TIGAR: variants seen among roughly 807,000 people sequenced by gnomAD.
The protein encoded by TIGAR is fructose-2,6-bisphosphatase TIGAR.
Under a neutral mutation model 17.9 loss-of-function variants are expected in TIGAR, and 7 were observed. That is an observed-to-expected ratio of 0.39 (90% CI 0.22 to 0.73). The LOEUF (loss-of-function observed/expected upper bound fraction) is 0.73, where lower values mean the gene tolerates loss of function less well. Ranked by LOEUF, TIGAR falls within the 30% of genes least tolerant of loss-of-function variation. TIGAR has a pLI of 0.42. For missense variants in TIGAR, 258 were observed against 327.4 expected (o/e 0.79, Z 1.64); for synonymous variants, 94 against 108.6 (o/e 0.87, Z 0.84).
At position 4,358,929 on chromosome 12, in the gene TIGAR, T is replaced by G. The variant is rs772535306; in HGVS notation, c.*6238T>G. Among the ~76,000 whole-genome samples, 2 of 151,938 alleles carry G rather than the reference T, an allele frequency of 1.3e-5. No homozygotes were observed. The highest frequency in any genetic ancestry group is 6.6e-5 in the Admixed American group (1 of 15,254). On this transcript the variant is annotated 3_prime_UTR_variant, in exon 6 of 6. Transcript: ENST00000179259. Reference sequence around the variant, plus strand: ...TTAAAAAATAGGTGAGTTCTTGTGGTTTTTTTTCCTGACATATCCTCATTA... The same window carrying G: ...TTAAAAAATAGGTGAGTTCTTGTGGGTTTTTTTCCTGACATATCCTCATTA...
chr12:4,352,757 C>G lies in TIGAR; in HGVS notation c.*66C>G. On this transcript the variant is annotated 3_prime_UTR_variant, in exon 6 of 6. Transcript: ENST00000179259. Reference sequence around the variant, plus strand: ...AAGGGAGTGCCATTGGCTTTATTTACTTCTCTCCTCTGCTAGTTCTGATTT... The same window carrying G: ...AAGGGAGTGCCATTGGCTTTATTTAGTTCTCTCCTCTGCTAGTTCTGATTT... 2 of 1,453,480 alleles carry G rather than the reference C, an allele frequency of 1.4e-6. No individual in the cohort carries two copies. Among genetic ancestry groups the G allele is most frequent in the Non-Finnish European group, 1.8e-6 (2 of 1,083,352 alleles). The allele number at this position is 1,453,480 out of a possible 1,614,324, so 90.0% of individuals were successfully genotyped here. A position where few individuals can be genotyped will look rare whatever the true frequency, so the allele number is the denominator to read the frequency against.
chr12:4,332,329 G>A (rs777174260), intron 2 of TIGAR, among the ~76,000 whole-genome samples: 3 of 129,966 alleles, frequency 2.3e-5, no homozygotes, highest in Non-Finnish European at 4.6e-5. Context: ...TGCAACCTCC[G>A]CCTCCCAGGT....
chr12:4,321,292 T>A lies in TIGAR; in HGVS notation c.21T>A (p.Thr7=). Residue 7 remains threonine, a synonymous_variant, in exon 1 of 6, where the codon ACT becomes ACA. Coordinates refer to ENST00000179259, the MANE Select transcript of TIGAR (RefSeq NM_020375.3). This position sits in a 1 kb window ranked among gnomAD's most constrained non-coding sequence, Gnocchi z 5.2. ...GGAACATGGCTCGCTTCGCTCTGAC[T>A]GTTGTCCGGCAGTGAGTATGGCTGT... MARFAL[T]VVRHGETRFN... The A allele has an allele frequency of 1.2e-6, 2 of 1,601,392 alleles. No individual in the cohort carries two copies. The highest frequency in any genetic ancestry group is 2.2e-5 in the South Asian group (2 of 91,080).
Position 4,347,325 on chromosome 12 carries a change from T to TA in TIGAR, c.193-2493dup, listed in dbSNP as rs139552760. On this transcript the variant is annotated intron_variant, in intron 3 of 5. Coordinates refer to ENST00000179259, the MANE Select transcript of TIGAR (RefSeq NM_020375.3). ...AAGACAAACTTGTCATGTTCTCACTTATTTGTTGGAGCAAAAAATTAAAAC... is the reference window on the plus strand; with the variant it reads ...AAGACAAACTTGTCATGTTCTCACTTAATTTGTTGGAGCAAAAAATTAAAAC... 1.8e-3 allele frequency among the ~76,000 whole-genome samples: 270 copies of TA among 152,304 alleles called. 1 individual carries two copies. The highest frequency in any genetic ancestry group is 6.1e-3 in the African/African-American group (253 of 41,560).
rs1485953325 is a variant in TIGAR at position 4,356,145 on chromosome 12, G to A, written c.*3454G>A. ...TGTAGGGGGTGCTATAGGAGCACAA[G>A]GTTGGAGGCAGGGAAGATGGCAGCA... is the stretch of plus-strand genomic sequence containing the variant. On this transcript the variant is annotated 3_prime_UTR_variant, in exon 6 of 6. Coordinates refer to ENST00000179259, the MANE Select transcript of TIGAR (RefSeq NM_020375.3). Among the ~76,000 whole-genome samples, 1 of 152,192 alleles carries A rather than the reference G, an allele frequency of 6.6e-6. No individual in the cohort carries two copies. Among genetic ancestry groups the A allele is most frequent in the Admixed American group, 6.5e-5 (1 of 15,290 alleles).
At position 4,342,910 on chromosome 12, in the gene TIGAR, CT is replaced by C. The variant is rs1211381768; in HGVS notation, c.192+5751del. 2.0e-5 allele frequency among the ~76,000 whole-genome samples: 3 copies of C among 152,246 alleles called. No homozygotes were observed. In the East Asian group the frequency reaches 5.8e-4, roughly 29 times the overall value. The stretch of plus-strand genomic sequence containing the variant: ...AATATTAACCTTAAATGTAAATGGG[CT>C]AAATGTTCCAATTAAAAGACACAGA... On this transcript the variant is annotated intron_variant, in intron 3 of 5. Transcript: ENST00000179259.
chr12:4,324,541 A>G, intron 1 of TIGAR: 7 of 1,608,920 alleles, frequency 4.4e-6, no homozygotes, highest in Non-Finnish European at 5.9e-6. Context: ...CATGCTGCCC[A>G]CCATCTTGGG....
intron 2 of TIGAR, among the ~76,000 whole-genome samples, chr12:4,335,317 G>T (rs1191395795): frequency 6.6e-6 from 1 of 151,800 alleles, no homozygotes; most frequent in Non-Finnish European, 1.5e-5. Flanking sequence ...GATTGCAGGC[G>T]TGAGCCACCA....
intron 3 of TIGAR, among the ~76,000 whole-genome samples, chr12:4,340,187 A>G (rs1864704470): frequency 3.3e-5 from 5 of 152,252 alleles, no homozygotes; most frequent in Non-Finnish European, 5.9e-5. Flanking sequence ...CCAAAAAACA[A>G]TTAGAACTGA....
chr12:4,351,482 C>T, intron 5 of TIGAR, 105 bp downstream of exon 5: 1 of 817,176 alleles, frequency 1.2e-6, no homozygotes. Context: ...ATTCTCTTTT[C>T]CATTTTAAAT....
chr12:4,333,708 C>T (rs1864628774), intron 2 of TIGAR, among the ~76,000 whole-genome samples: 2 of 152,160 alleles, frequency 1.3e-5, no homozygotes, highest in Admixed American at 1.3e-4. Context: ...TGGTGATCCA[C>T]CCACCTCGGC....
At chr12:4,351,403 T>C in intron 5 of TIGAR, 26 bp downstream of exon 5, 2 of 1,591,126 alleles carry the variant, frequency 1.3e-6, no homozygotes, top group Non-Finnish European at 1.7e-6. Flanking sequence ...GATGTCAGAA[T>C]GGTTGAATTA....
chr12:4,329,682 T>C (rs549505475), intron 1 of TIGAR, among the ~76,000 whole-genome samples: 1 of 152,250 alleles, frequency 6.6e-6, no homozygotes, highest in East Asian at 1.9e-4. Flanking sequence ...TTCCCAGTAA[T>C]TGGGTTATTG....
At chr12:4,348,295 T>C (rs1029403353) in intron 3 of TIGAR, among the ~76,000 whole-genome samples, 2 of 152,150 alleles carry the variant, frequency 1.3e-5, no homozygotes, top group African/African-American at 4.8e-5. Flanking sequence ...TTTTACAGAA[T>C]TTACAGAATT....
At position 4,348,123 on chromosome 12, in the gene TIGAR, G is replaced by A. The variant is rs533584939; in HGVS notation, c.193-1696G>A. On this transcript the variant is annotated intron_variant, in intron 3 of 5. Transcript: ENST00000179259. ...TTCACTCCAGCCTGGGTGACAGAGC[G>A]AGACCCTGTCTCAAAAAAAAAAGTC... Among the ~76,000 whole-genome samples the A allele has an allele frequency of 1.2e-4, 18 of 151,908 alleles. No homozygotes were observed. The Middle Eastern group carries it at 0.01, about 86-fold the overall frequency.
chr12:4,327,679 A>G (rs893342585), intron 1 of TIGAR, among the ~76,000 whole-genome samples: 2 of 152,182 alleles, frequency 1.3e-5, no homozygotes, highest in African/African-American at 4.8e-5. Flanking sequence ...TAAGGGCTAC[A>G]AGCCACTGTC....
At chr12:4,332,250 T>G (rs1287311791) in intron 2 of TIGAR, among the ~76,000 whole-genome samples, 1 of 145,214 alleles carries the variant, frequency 6.9e-6, no homozygotes, top group Non-Finnish European at 1.5e-5. Context: ...TTTTTTTTTT[T>G]TTTTTTTTTT....
chr12:4,346,904 C>G (rs564824842), intron 3 of TIGAR, among the ~76,000 whole-genome samples: 1 of 152,192 alleles, frequency 6.6e-6, no homozygotes, highest in South Asian at 2.1e-4. Context: ...ATAACACATG[C>G]AGGCAAGGCC....
At chr12:4,324,364 C>T in intron 1 of TIGAR, 1 of 918,494 alleles carries the variant, frequency 1.1e-6, no homozygotes, top group Non-Finnish European at 1.8e-6. Context: ...CCTTTATTAG[C>T]TGAGCCACTA....
Sources: gnomAD v4.1 joint callset for allele counts (sites outside exome capture counted in the v4.1 genomes callset) on GRCh38, gnomAD v4.1.1 for gene constraint, Gnocchi (gnomAD v3.1) non-coding constraint, MANE v1.5 for transcripts, NCBI Gene and HGNC (gene_info 2026-07-23, HGNC 2026-07-21) for gene names.